RTL4: variants seen among roughly 807,000 people sequenced by gnomAD.
RTL4 encodes the protein retrotransposon Gag-like protein 4.
Under a neutral mutation model 5.3 loss-of-function variants are expected in RTL4, and 4 were observed. The observed-to-expected ratio is 0.75, with a 90% CI of 0.37 to 1.72. The LOEUF is 1.72. Among genes scored for constraint, RTL4 ranks in the 40% most tolerant of loss-of-function variants. RTL4 has a pLI of 0.04. For synonymous variants in RTL4, 98 were observed against 87.3 expected (o/e 1.12, Z -0.68); for missense variants, 260 against 227.1 (o/e 1.14, Z -0.93).
the RTL4 span, among the ~76,000 whole-genome samples, chrX:112,355,531 C>A: frequency 9.0e-6 from 1 of 111,371 alleles, no homozygotes; most frequent in African/African-American, 3.3e-5. Flanking sequence ...AAGACTGGAA[C>A]TTTTCTTTCA....
chrX:112,326,645 G>T, the RTL4 span, among the ~76,000 whole-genome samples: 2 of 111,953 alleles, frequency 1.8e-5, no homozygotes, highest in East Asian at 5.7e-4. Flanking sequence ...GAACTGGGTG[G>T]AGCCCACCAC....
At chrX:112,169,046 T>TTCTTTCTTTCTTTCTTTCTTTCTTTCTG in the RTL4 span, among the ~76,000 whole-genome samples, 8 of 33,653 alleles carry the variant, frequency 2.4e-4, no homozygotes, top group African/African-American at 6.7e-4. Context: ...CTTTCTTTCT[T>TTCTTTCTTTCTTTCTTTCTTTCTTTCTG]TCTTTCTTTC....
exon 1 of RTL4, chrX:112,454,813 A>T: frequency 8.3e-7 from 1 of 1,210,670 alleles, no homozygotes; most frequent in Non-Finnish European, 1.1e-6. Context: ...GCGGCTTCAA[A>T]TGCAGCATCC....
chrX:112,193,596 T>C, the RTL4 span, among the ~76,000 whole-genome samples: 1 of 111,664 alleles, frequency 9.0e-6, no homozygotes, highest in African/African-American at 3.2e-5. Flanking sequence ...AATGTATAAA[T>C]TCATGTCTTT....
the RTL4 span, among the ~76,000 whole-genome samples, chrX:112,223,323 T>C: frequency 1.8e-5 from 2 of 112,387 alleles, no homozygotes; most frequent in Non-Finnish European, 3.8e-5. Flanking sequence ...TACAGATAAT[T>C]CCCTGACAAC....
chrX:112,146,179 G>A, the RTL4 span, among the ~76,000 whole-genome samples: 30 of 111,390 alleles, frequency 2.7e-4, no homozygotes, highest in African/African-American at 9.8e-4. Flanking sequence ...GTGAGAATTA[G>A]GCAAATTTGT....
the RTL4 span, among the ~76,000 whole-genome samples, chrX:112,111,885 A>G: frequency 8.9e-6 from 1 of 111,757 alleles, no homozygotes; most frequent in East Asian, 2.8e-4. Flanking sequence ...TTGGTTCTCT[A>G]TCCTCTGGGA....
chrX:112,297,044 T>G, the RTL4 span, among the ~76,000 whole-genome samples: 8,934 of 110,678 alleles, frequency 0.081, 363 homozygotes, highest in Non-Finnish European at 0.12. Context: ...TTTTCCTAAT[T>G]CAGTGCTGAC....
chrX:112,305,916 T>C, the RTL4 span, among the ~76,000 whole-genome samples: 2 of 111,439 alleles, frequency 1.8e-5, no homozygotes, highest in Admixed American at 1.9e-4. Flanking sequence ...ATCAAACCGT[T>C]TGGCCTCTCT....
At chrX:112,405,108 C>G in the RTL4 span, among the ~76,000 whole-genome samples, 2 of 111,566 alleles carry the variant, frequency 1.8e-5, no homozygotes, top group Non-Finnish European at 3.8e-5. Context: ...AAAGGCAAAC[C>G]TTGCCTTTTT....
At chrX:112,367,327 C>T in the RTL4 span, among the ~76,000 whole-genome samples, 4 of 111,108 alleles carry the variant, frequency 3.6e-5, no homozygotes, top group Non-Finnish European at 3.8e-5. Context: ...CTAAAAAGAA[C>T]CAAGAAAAGA....
At chrX:112,098,444 G>A in the RTL4 span, among the ~76,000 whole-genome samples, 4 of 111,572 alleles carry the variant, frequency 3.6e-5, no homozygotes, top group African/African-American at 1.3e-4. Flanking sequence ...CTTTATAGCA[G>A]CATGATTTAT....
chrX:112,259,192 T>A, the RTL4 span, among the ~76,000 whole-genome samples: 7 of 111,780 alleles, frequency 6.3e-5, no homozygotes, highest in Admixed American at 6.7e-4. Context: ...TACACTAAAT[T>A]TTAGCCCTAT....
chrX:112,219,991 T>G, the RTL4 span, among the ~76,000 whole-genome samples: 1 of 111,849 alleles, frequency 8.9e-6, no homozygotes, highest in Non-Finnish European at 1.9e-5. Context: ...GTTTCCCTAG[T>G]TGTTTAGATC....
At chrX:112,118,550 C>A in the RTL4 span, among the ~76,000 whole-genome samples, 1 of 112,008 alleles carries the variant, frequency 8.9e-6, no homozygotes, top group African/African-American at 3.2e-5. Context: ...CATGACATTA[C>A]TTCATTTATA....
the RTL4 span, among the ~76,000 whole-genome samples, chrX:112,328,139 C>T: frequency 2.0e-4 from 22 of 108,933 alleles, no homozygotes; most frequent in Non-Finnish European, 3.2e-4. Context: ...ATGACAGGAT[C>T]AAATTCACAC....
the RTL4 span, among the ~76,000 whole-genome samples, chrX:112,250,112 T>TA: frequency 9.2e-6 from 1 of 108,654 alleles, no homozygotes; most frequent in Non-Finnish European, 1.9e-5. Flanking sequence ...CCGTCTCTAC[T>TA]AAAAAAAATA....
chrX:112,083,634 C>CG, the RTL4 span, among the ~76,000 whole-genome samples: 9 of 111,471 alleles, frequency 8.1e-5, no homozygotes, highest in African/African-American at 2.6e-4. Flanking sequence ...AGGATGGGGG[C>CG]GGGGGGCTAG....
At chrX:112,200,383 A>G in the RTL4 span, among the ~76,000 whole-genome samples, 17 of 112,034 alleles carry the variant, frequency 1.5e-4, no homozygotes, top group Admixed American at 1.5e-3. Context: ...TGATTTATTT[A>G]TCAGATACAT....
Sources: allele counts gnomAD v4.1 joint callset (sites outside exome capture counted in the v4.1 genomes callset), GRCh38; gene constraint gnomAD v4.1.1; transcripts MANE v1.5; gene names NCBI Gene and HGNC (gene_info 2026-07-23, HGNC 2026-07-21).